Variants in RPL30 observed in about 807,000 individuals in gnomAD.
The protein encoded by RPL30 is large ribosomal subunit protein eL30.
For missense variants in RPL30, 60 were observed against 138.0 expected (o/e 0.43, Z 2.83); for synonymous variants, 40 against 50.4 (o/e 0.79, Z 0.87).
At chr8:98,042,072 A>G (rs1814385446) in intron 4 of RPL30, 4 of 694,132 alleles carry the variant, frequency 5.8e-6, no homozygotes, top group Non-Finnish European at 1.1e-5. Flanking sequence ...TAAAATGATC[A>G]TATAATAAAA....
rs547664696 is a variant in RPL30 at position 98,042,447 on chromosome 8, A to C, written c.298+198T>G. ...TCATTATCTGACAGTAAAAATTTTA[A>C]CTTATAATAAAGCCAATTATAATGT... On this transcript the variant is annotated intron_variant, in intron 4 of 4. Coordinates refer to ENST00000287038, the MANE Select transcript of RPL30 (RefSeq NM_000989.4). The C allele has an allele frequency of 1.4e-3, 748 of 539,934 alleles. 14 individuals carry two copies. The South Asian group carries it at 0.015, about 11-fold the overall frequency. 33.4% of individuals were successfully genotyped at this position (539,934 alleles called of 1,614,324 possible).
At position 98,041,776 on chromosome 8, in the gene RPL30, G is replaced by A. The variant is rs1414200852; in HGVS notation, c.*25C>T. 7.7e-6 allele frequency: 12 copies of A among 1,562,058 alleles called. No individual in the cohort carries two copies. The highest frequency in any genetic ancestry group is 1.0e-5 in the Non-Finnish European group (12 of 1,143,960). On this transcript the variant is annotated 3_prime_UTR_variant, in exon 5 of 5. Coordinates refer to ENST00000287038, the MANE Select transcript of RPL30 (RefSeq NM_000989.4). ...AAATTTTGCAGGTTTAAGGTTTGCA[G>A]GTGAAATTTTGTAGGTGAAAAGGTT...
At position 98,045,357 on chromosome 8, in the gene RPL30, G is replaced by A. The variant is rs763213200; in HGVS notation, c.11C>T (p.Ala4Val). 3 of 1,614,158 alleles carry A rather than the reference G, an allele frequency of 1.9e-6. No homozygotes were observed. Among genetic ancestry groups the A allele is most frequent in the Non-Finnish European group, 2.5e-6 (3 of 1,180,026 alleles). ...GCCCGCCTCACTCACCGTCTTCTTT[G>A]CGGCCACCATCTTCCTGCCTTAGGA... MVAAKKTKKSLESI... is the reference protein window; with the variant it reads MVAVKKTKKSLESI... The change falls in exon 2 of 5, where the codon GCA becomes GTA. Residue 4 changes from alanine (A) to valine (V), a missense_variant. Transcript: ENST00000287038.
chr8:98,045,378 TAGG>T lies in RPL30; in HGVS notation c.-14_-12del, dbSNP rs1317297085. On this transcript the variant is annotated 5_prime_UTR_variant, in exon 2 of 5. Coordinates refer to ENST00000287038, the MANE Select transcript of RPL30 (RefSeq NM_000989.4). Reference sequence around the variant, plus strand: ...CTTTGCGGCCACCATCTTCCTGCCTTAGGAGCGGGACGGCCCCCAACCTAGAAG... The same window carrying T: ...CTTTGCGGCCACCATCTTCCTGCCTTAGCGGGACGGCCCCCAACCTAGAAG... 6.2e-7 allele frequency: 1 copy of T among 1,614,090 alleles called. No homozygotes were observed. The highest frequency in any genetic ancestry group is 1.1e-5 in the South Asian group (1 of 91,084).
rs554585837 is a variant in RPL30, at chr8:98,042,839, A to G, written c.168-64T>C. The stretch of plus-strand genomic sequence containing the variant: ...CCAAGTGACTGACAGACTAAATGTT[A>G]CTACTTCTTTTACTAGTGTTAATGT... On this transcript the variant is annotated intron_variant, in intron 3 of 4. Coordinates refer to ENST00000287038, the MANE Select transcript of RPL30 (RefSeq NM_000989.4). 4.4e-5 allele frequency: 63 copies of G among 1,445,278 alleles called. No individual in the cohort carries two copies. In the Admixed American group the frequency reaches 1.6e-3, roughly 37 times the overall value. The allele number at this position is 1,445,278 out of a possible 1,614,324, so 89.5% of individuals were successfully genotyped here.
intron 1 of RPL30, 23 bp from the exon 2 acceptor site, chr8:98,045,422 C>G (rs1814458709): frequency 3.7e-6 from 6 of 1,610,872 alleles, no homozygotes; most frequent in Non-Finnish European, 5.1e-6. Context: ...GAGAACAGGA[C>G]AGGAATTTTA....
intron 3 of RPL30, chr8:98,044,630 G>C: frequency 3.3e-6 from 1 of 299,534 alleles, no homozygotes; most frequent in East Asian, 6.8e-5. Context: ...AAAGCTAAAA[G>C]AACCAAAAAA....
intron 3 of RPL30, chr8:98,042,996 C>G (rs1383511834): frequency 1.8e-5 from 8 of 433,042 alleles, no homozygotes; most frequent in Middle Eastern, 5.9e-4. Context: ...CTAATCAACC[C>G]CTACTATGTT....
At chr8:98,045,265 C>G in intron 2 of RPL30, 82 bp downstream of exon 2, 1 of 1,595,318 alleles carries the variant, frequency 6.3e-7, no homozygotes, top group Non-Finnish European at 8.6e-7. Flanking sequence ...ATGCTGTCAC[C>G]CCCGTGGGCT....
rs373923667 is a variant in RPL30 at position 98,042,810 on chromosome 8, G to A, written c.168-35C>T. The stretch of plus-strand genomic sequence containing the variant: ...CCAAAATGGGCAAATAAATAAATGC[G>A]ATACCAAGTGACTGACAGACTAAAT... On this transcript the variant is annotated intron_variant, in intron 3 of 4. Coordinates refer to ENST00000287038, the MANE Select transcript of RPL30 (RefSeq NM_000989.4). 9.4e-5 allele frequency: 143 copies of A among 1,528,772 alleles called. 1 individual carries two copies. In the East Asian group the frequency reaches 1.0e-3, roughly 11 times the overall value. The allele number at this position is 1,528,772 out of a possible 1,614,324, so 94.7% of individuals were successfully genotyped here. A position where few individuals can be genotyped will look rare whatever the true frequency, so the allele number is the denominator to read the frequency against.
rs200314087 is a variant in RPL30, at chr8:98,044,898, C to T, written c.167+45G>A. ...GTTTACACTCCTGTATATTCGTTCA[C>T]GATGAATTCGCGGTAGGCGAAGCCC... is the stretch of plus-strand genomic sequence containing the variant. On this transcript the variant is annotated intron_variant, in intron 3 of 4. Coordinates refer to ENST00000287038, the MANE Select transcript of RPL30 (RefSeq NM_000989.4). The T allele has an allele frequency of 2.7e-5, 43 of 1,595,634 alleles. No individual in the cohort carries two copies. In the East Asian group the frequency reaches 4.9e-4, roughly 18 times the overall value.
At chr8:98,044,792 G>T in intron 3 of RPL30, 151 bp downstream of exon 3, 1 of 831,220 alleles carries the variant, frequency 1.2e-6, no homozygotes, top group Non-Finnish European at 1.9e-6. Context: ...GGGTCGGGGA[G>T]ACGGGAATGA....
At chr8:98,045,456 C>G (rs1814459348) in intron 1 of RPL30, 52 bp downstream of exon 1, 1 of 1,525,634 alleles carries the variant, frequency 6.6e-7, no homozygotes, top group Non-Finnish European at 9.1e-7. Flanking sequence ...CAAATGGCAA[C>G]CCGCAAAGCT....
chr8:98,044,716 C>G, intron 3 of RPL30: 2 of 516,862 alleles, frequency 3.9e-6, no homozygotes, highest in South Asian at 5.8e-5. Context: ...GTTTTCACTC[C>G]TGCCACACAC....
Position 98,045,494 on chromosome 8 carries a change from AG to A in RPL30, c.-33+13del. The A allele has an allele frequency of 9.7e-7, 1 of 1,033,110 alleles. No individual in the cohort carries two copies. The allele number at this position is 1,033,110 out of a possible 1,614,324, so 64.0% of individuals were successfully genotyped here. A position where few individuals can be genotyped will look rare whatever the true frequency, so the allele number is the denominator to read the frequency against. On this transcript the variant is annotated intron_variant, in intron 1 of 4. Coordinates refer to ENST00000287038, the MANE Select transcript of RPL30 (RefSeq NM_000989.4). The stretch of plus-strand genomic sequence containing the variant: ...CCGCGCTGCCTAAACCTCGGTCGGT[AG>A]GAGCCCACTCACCAACAGCAGCCGC...
intron 3 of RPL30, chr8:98,044,309 C>CT (rs1814436557): frequency 6.6e-6 from 1 of 152,274 alleles, no homozygotes; most frequent in Non-Finnish European, 1.5e-5. Flanking sequence ...AGAAAGGGCC[C>CT]TCCAGGCTTT....
chr8:98,044,727 ACAC>A (rs1814444593), intron 3 of RPL30: 3 of 541,268 alleles, frequency 5.5e-6, no homozygotes, highest in African/African-American at 1.9e-5. Flanking sequence ...TGCCACACAC[ACAC>A]ATTTCTCCTC....
chr8:98,041,972 T>A, intron 4 of RPL30, 122 bp from the exon 5 acceptor site: 1 of 772,408 alleles, frequency 1.3e-6, no homozygotes, highest in Non-Finnish European at 2.2e-6. Flanking sequence ...TAGCACTGAC[T>A]TTTTGCAAAA....
At position 98,042,682 on chromosome 8, in the gene RPL30, T is replaced by C; in HGVS notation, c.261A>G (p.Lys87=). 1 of 1,612,776 alleles carries C rather than the reference T, an allele frequency of 6.2e-7. No individual in the cohort carries two copies. The highest frequency in any genetic ancestry group is 8.5e-7 in the Non-Finnish European group (1 of 1,179,612). Residue 87 remains lysine (K), a synonymous_variant, in exon 4 of 5, where the codon AAA becomes AAG. Transcript: ENST00000287038. The part of the protein sequence containing the change: ...NNIELGTACG[K]YYRVCTLAII... The stretch of plus-strand genomic sequence containing the variant: ...TAGCCAGTGTGCACACTCTGTAGTA[T>C]TTTCCGCATGCTGTGCCCAGTTCAA...
Sources: gnomAD v4.1 joint callset for allele counts on GRCh38, gnomAD v4.1.1 for gene constraint, MANE v1.5 for transcripts, NCBI Gene and HGNC (gene_info 2026-07-23, HGNC 2026-07-21) for gene names.